Variants in GSE1 observed in about 807,000 individuals in gnomAD.
The protein encoded by GSE1 is Gse1 coiled-coil protein.
GSE1 carries 32 observed loss-of-function variants against 112.6 expected under a neutral mutation model. The observed-to-expected ratio is 0.28, with a 90% confidence interval of 0.21 to 0.38. The LOEUF (loss-of-function observed/expected upper bound fraction) is 0.38, where lower values mean the gene tolerates loss of function less well. Among genes scored for constraint, GSE1 ranks in the 10% least tolerant of loss-of-function variants. GSE1 has a pLI of 1.00. For synonymous variants in GSE1, 1,115 were observed against 735.6 expected (o/e 1.52, Z -8.35); for missense variants, 2,348 against 1,699.2 (o/e 1.38, Z -6.71).
chr16:85,459,079 G>T (rs775764985), intron 2 of GSE1, among the ~76,000 whole-genome samples: 11 of 152,204 alleles, frequency 7.2e-5, no homozygotes, highest in Non-Finnish European at 1.3e-4. Flanking sequence ...TGCTGCCTGT[G>T]GTGCCTCGGC....
At chr16:85,203,196 T>G (rs2075059760) in intron 1 of GSE1, among the ~76,000 whole-genome samples, 1 of 151,970 alleles carries the variant, frequency 6.6e-6, no homozygotes, top group South Asian at 2.1e-4. Flanking sequence ...CTTTCCATCT[T>G]TGCTCCACTG....
At chr16:85,657,768 G>T (rs1028320637) in intron 8 of GSE1, among the ~76,000 whole-genome samples, 164 bp downstream of exon 8, 1 of 152,196 alleles carries the variant, frequency 6.6e-6, no homozygotes, top group Non-Finnish European at 1.5e-5. Context: ...TCTTGCCTAT[G>T]GGGAAGCTGA....
At chr16:85,213,826 A>G (rs1262112252) in intron 1 of GSE1, among the ~76,000 whole-genome samples, 1 of 152,246 alleles carries the variant, frequency 6.6e-6, no homozygotes, top group African/African-American at 2.4e-5. Context: ...AGTGGGGAGC[A>G]GAGTCCATAG....
chr16:85,235,409 G>A (rs1904496577), intron 1 of GSE1, among the ~76,000 whole-genome samples: 1 of 149,050 alleles, frequency 6.7e-6, no homozygotes, highest in Non-Finnish European at 1.5e-5. Context: ...GGTGGGGTGA[G>A]GGGGGTGATG....
intron 1 of GSE1, among the ~76,000 whole-genome samples, chr16:85,329,749 G>C (rs1480492385): frequency 6.6e-6 from 1 of 151,802 alleles, no homozygotes; most frequent in African/African-American, 2.4e-5. Flanking sequence ...CTTCCTTTCA[G>C]AGCCGCACCT....
chr16:85,513,256 C>T (rs2051807329), intron 2 of GSE1, among the ~76,000 whole-genome samples: 2 of 152,064 alleles, frequency 1.3e-5, no homozygotes, highest in Non-Finnish European at 2.9e-5. Context: ...TGGGTTTTCC[C>T]TCCCGGCTCA....
intron 1 of GSE1, among the ~76,000 whole-genome samples, chr16:85,321,726 A>T (rs569388950): frequency 1.5e-4 from 22 of 151,434 alleles, no homozygotes; most frequent in Non-Finnish European, 2.5e-4. Flanking sequence ...AGGCAGGGGG[A>T]TCGCTTGAGC....
At chr16:85,626,854 C>T (rs1026484839) in intron 1 of GSE1, among the ~76,000 whole-genome samples, 10 of 151,856 alleles carry the variant, frequency 6.6e-5, no homozygotes, top group African/African-American at 2.4e-4. Flanking sequence ...AATGGGACAC[C>T]ATATTTAATG....
intron 1 of GSE1, among the ~76,000 whole-genome samples, chr16:85,226,758 G>GGGGT (rs1399268098): frequency 1.9e-5 from 2 of 104,974 alleles, no homozygotes; most frequent in East Asian, 5.8e-4. Context: ...TGCCTGGACT[G>GGGGT]GTGTGTGTGT....
chr16:85,265,906 C>T (rs951342395), intron 1 of GSE1, among the ~76,000 whole-genome samples: 13 of 152,260 alleles, frequency 8.5e-5, no homozygotes, highest in African/African-American at 2.4e-4. Context: ...TCTCTGCAGT[C>T]TCTGGCCTTG....
intron 2 of GSE1, among the ~76,000 whole-genome samples, chr16:85,471,164 C>G (rs1038871154): frequency 2.0e-5 from 3 of 152,180 alleles, no homozygotes; most frequent in Admixed American, 6.5e-5. Flanking sequence ...CGACCCCTGC[C>G]CAGAGACGCC....
intron 1 of GSE1, among the ~76,000 whole-genome samples, chr16:85,615,758 C>G (rs1317818221): frequency 3.9e-5 from 6 of 152,216 alleles, no homozygotes; most frequent in African/African-American, 1.2e-4. Flanking sequence ...TTGTACATCT[C>G]CAAACTCGGT....
At chr16:85,619,425 G>T (rs1282097778) in intron 1 of GSE1, among the ~76,000 whole-genome samples, 1 of 151,704 alleles carries the variant, frequency 6.6e-6, no homozygotes, top group African/African-American at 2.4e-5. Flanking sequence ...GGAGGCGGGA[G>T]GGGGGTGGGG....
intron 3 of GSE1, among the ~76,000 whole-genome samples, chr16:85,651,219 G>T (rs2051325122): frequency 6.6e-6 from 1 of 151,866 alleles, no homozygotes. Context: ...CGCTATCGGG[G>T]TGCCTTTGGG....
At chr16:85,667,850 G>C (rs148207563) in intron 13 of GSE1, among the ~76,000 whole-genome samples, 12 of 152,218 alleles carry the variant, frequency 7.9e-5, no homozygotes, top group Admixed American at 2.0e-4. Flanking sequence ...AGAGGACTGA[G>C]GGCAGCCAAA....
At chr16:85,541,573 G>C (rs1257183688) in intron 2 of GSE1, among the ~76,000 whole-genome samples, 1 of 152,250 alleles carries the variant, frequency 6.6e-6, no homozygotes, top group Non-Finnish European at 1.5e-5. Flanking sequence ...CCACTCCGTG[G>C]ACAAGGCAGG....
At chr16:85,578,692 T>C (rs2046329977) in intron 1 of GSE1, among the ~76,000 whole-genome samples, 1 of 151,726 alleles carries the variant, frequency 6.6e-6, no homozygotes, top group South Asian at 2.1e-4. Flanking sequence ...GGAAACCCTC[T>C]TGAGAGTAAA....
chr16:85,435,221 T>C (rs1405391214), intron 2 of GSE1, among the ~76,000 whole-genome samples: 3 of 152,006 alleles, frequency 2.0e-5, no homozygotes, highest in Non-Finnish European at 4.4e-5. Flanking sequence ...CGCCAGGAGG[T>C]GCCCTTTATG....
intron 1 of GSE1, among the ~76,000 whole-genome samples, chr16:85,563,379 G>C (rs2151295834): frequency 6.6e-6 from 1 of 152,292 alleles, no homozygotes; most frequent in Non-Finnish European, 1.5e-5. Flanking sequence ...GTCTTTAGGG[G>C]AAAATGTATT....
Sources: gnomAD v4.1 joint callset for allele counts (sites outside exome capture counted in the v4.1 genomes callset) on GRCh38, gnomAD v4.1.1 for gene constraint, MANE v1.5 for transcripts, NCBI Gene and HGNC (gene_info 2026-07-23, HGNC 2026-07-21) for gene names.